The following PRKG1 variants were observed in gnomAD, a reference collection of about 807,000 sequenced individuals.
PRKG1 encodes protein kinase cGMP-dependent 1.
A neutral mutation model predicts 88.1 loss-of-function variants in PRKG1; 35 were observed. The observed-to-expected ratio is 0.40, with a 90% confidence interval of 0.30 to 0.53. The LOEUF (loss-of-function observed/expected upper bound fraction) is 0.53. Among genes scored for constraint, PRKG1 ranks in the 20% least tolerant of loss-of-function variants. The pLI is 0.59. For missense variants in PRKG1, 540 were observed against 839.8 expected (o/e 0.64, Z 4.41); for synonymous variants, 303 against 292.5 (o/e 1.04, Z -0.37).
At chr10:51,646,387 CTCT>C (rs113110910) in intron 3 of PRKG1, among the ~76,000 whole-genome samples, 2,651 of 152,154 alleles carry the variant, frequency 0.017, 81 homozygotes, top group African/African-American at 0.061. Context: ...TCCTCTAACC[CTCT>C]TCTTCTTTCT....
rs60053336 is a variant in PRKG1, at chr10:51,712,580, C to CTTT, written c.593-91980_593-91978dup. ...AAATGTTGACTCTAAAATATTATTC[C>CTTT]TTTTTTTTTTTTTTTTTTTTTTTTT... On this transcript the variant is annotated intron_variant, in intron 3 of 17. Coordinates refer to ENST00000373980, the MANE Select transcript of PRKG1 (RefSeq NM_006258.4). Among the ~76,000 whole-genome samples the CTTT allele has an allele frequency of 6.7e-4, 64 of 96,004 alleles. 5 individuals are homozygous for CTTT. Among genetic ancestry groups the CTTT allele is most frequent in the African/African-American group, 1.1e-3 (26 of 24,100 alleles). 63.0% of individuals were successfully genotyped at this position (96,004 alleles called of 152,430 possible). A position where few individuals can be genotyped will look rare whatever the true frequency, so the allele number is the denominator to read the frequency against.
intron 3 of PRKG1, among the ~76,000 whole-genome samples, chr10:51,718,375 T>C (rs564712112): frequency 2.6e-5 from 4 of 152,280 alleles, no homozygotes; most frequent in Non-Finnish European, 5.9e-5. Context: ...AGTGTGGCTA[T>C]GCTACTGTGG....
At chr10:52,059,684 T>C (rs954758551) in intron 6 of PRKG1, among the ~76,000 whole-genome samples, 1 of 151,846 alleles carries the variant, frequency 6.6e-6, no homozygotes, top group Non-Finnish European at 1.5e-5. Flanking sequence ...ATGAAATTGT[T>C]CTGTGTCTAA....
chr10:51,384,321 A>T (rs868015352), intron 2 of PRKG1, among the ~76,000 whole-genome samples: 21 of 152,176 alleles, frequency 1.4e-4, no homozygotes, highest in African/African-American at 5.1e-4. Context: ...AATTATATTT[A>T]TCCCCAAGGA....
intron 2 of PRKG1, among the ~76,000 whole-genome samples, chr10:51,466,026 CA>C (rs1207874109): frequency 6.6e-6 from 1 of 152,084 alleles, no homozygotes; most frequent in African/African-American, 2.4e-5. Context: ...TGCCCAAGGT[CA>C]TAAGGCCAGT....
At position 51,343,560 on chromosome 10, in the gene PRKG1, T is replaced by C. The variant is rs537028385; in HGVS notation, c.479-124163T>C. On this transcript the variant is annotated intron_variant, in intron 2 of 17. Transcript: ENST00000373980. ...AAAAAGCATATTTAATAATATATAA[T>C]AACATAATTTGGTAGATATATTACT... Among the ~76,000 whole-genome samples the C allele has an allele frequency of 1.1e-4, 16 of 152,268 alleles. 1 individual carries two copies. In the South Asian group the frequency reaches 2.9e-3, roughly 28 times the overall value.
intron 8 of PRKG1, among the ~76,000 whole-genome samples, chr10:52,136,738 G>A (rs1837433554): frequency 6.6e-6 from 1 of 152,036 alleles, no homozygotes; most frequent in African/African-American, 2.4e-5. Flanking sequence ...CATGAAGTAA[G>A]CACTAAATAA....
chr10:51,575,726 C>A (rs746121485), intron 3 of PRKG1, among the ~76,000 whole-genome samples: 2 of 151,388 alleles, frequency 1.3e-5, no homozygotes, highest in Non-Finnish European at 2.9e-5. Context: ...ATTTTTTTAA[C>A]CTAGAACTTT....
chr10:51,956,229 T>G (rs1843298987), intron 5 of PRKG1, among the ~76,000 whole-genome samples: 1 of 152,108 alleles, frequency 6.6e-6, no homozygotes, highest in Admixed American at 6.6e-5. Context: ...TGTATCATTT[T>G]GTGGTTTCAA....
intron 2 of PRKG1, among the ~76,000 whole-genome samples, chr10:51,305,179 G>A (rs1841004370): frequency 6.6e-6 from 1 of 152,012 alleles, no homozygotes; most frequent in East Asian, 1.9e-4. Flanking sequence ...TTCAATTTTA[G>A]GGCAATAGCT....
chr10:51,520,973 C>T (rs182209503), intron 3 of PRKG1, among the ~76,000 whole-genome samples: 18 of 152,270 alleles, frequency 1.2e-4, no homozygotes, highest in Middle Eastern at 6.8e-3. Context: ...AAGGAAGGAC[C>T]GCACTTGGTT....
intron 9 of PRKG1, among the ~76,000 whole-genome samples, chr10:52,242,895 CA>C (rs750806476): frequency 1.6e-5 from 2 of 121,968 alleles, no homozygotes; most frequent in South Asian, 2.7e-4. Context: ...GACTCAGTCT[CA>C]AAAAAAAAGA....
chr10:52,018,334 T>G (rs1845096005), intron 5 of PRKG1, among the ~76,000 whole-genome samples: 1 of 152,206 alleles, frequency 6.6e-6, no homozygotes, highest in Admixed American at 6.5e-5. Flanking sequence ...ATAAGCATGT[T>G]CATGGACACC....
intron 3 of PRKG1, among the ~76,000 whole-genome samples, chr10:51,652,902 T>C (rs1350107866): frequency 6.6e-6 from 1 of 152,200 alleles, no homozygotes; most frequent in Non-Finnish European, 1.5e-5. Context: ...CCAGCCTCTA[T>C]TCTACTCTCT....
intron 3 of PRKG1, among the ~76,000 whole-genome samples, chr10:51,619,870 A>G (rs187785097): frequency 1.3e-4 from 20 of 152,308 alleles, no homozygotes; most frequent in Non-Finnish European, 1.5e-4. Flanking sequence ...ATTTTCATCT[A>G]GTAAGACATT....
At chr10:51,311,933 A>C (rs184404847) in intron 2 of PRKG1, among the ~76,000 whole-genome samples, 333 of 152,132 alleles carry the variant, frequency 2.2e-3, no homozygotes, top group Non-Finnish European at 4.0e-3. Context: ...GTGCAATGGC[A>C]TGATCTTGGC....
chr10:51,630,248 C>A (rs1032232780), intron 3 of PRKG1, among the ~76,000 whole-genome samples: 23 of 152,314 alleles, frequency 1.5e-4, no homozygotes, highest in African/African-American at 5.5e-4. Flanking sequence ...CATCTCCTCT[C>A]AGAGCTGCAC....
intron 3 of PRKG1, among the ~76,000 whole-genome samples, chr10:51,550,710 C>A (rs576952947): frequency 6.6e-6 from 1 of 152,046 alleles, no homozygotes; most frequent in South Asian, 2.1e-4. Flanking sequence ...ATGGGCCATT[C>A]TTCCTCAAAG....
chr10:51,595,429 G>C (rs1329230677), intron 3 of PRKG1, among the ~76,000 whole-genome samples: 1 of 152,140 alleles, frequency 6.6e-6, no homozygotes, highest in African/African-American at 2.4e-5. Context: ...AGGAGTTCAA[G>C]ACCAGCCTGG....
Sources: allele counts gnomAD v4.1 joint callset (sites outside exome capture counted in the v4.1 genomes callset), GRCh38; gene constraint gnomAD v4.1.1; transcripts MANE v1.5; gene names NCBI Gene and HGNC (gene_info 2026-07-23, HGNC 2026-07-21).